Variants in BRSK1 observed in about 807,000 individuals in gnomAD.
BRSK1 encodes serine/threonine-protein kinase BRSK1.
In BRSK1, 17 loss-of-function variants were observed where a neutral mutation model predicts 86.2. That is an observed-to-expected ratio of 0.20 (90% CI 0.14 to 0.30). The LOEUF (loss-of-function observed/expected upper bound fraction) is 0.30. Ranked by LOEUF, BRSK1 falls within the 10% of genes least tolerant of loss-of-function variation. The pLI is 1.00. For missense variants in BRSK1, 719 were observed against 1,071.9 expected (o/e 0.67, Z 4.60); for synonymous variants, 464 against 440.1 (o/e 1.05, Z -0.68).
chr19:55,308,450 C>G (rs1028807921), intron 17 of BRSK1, among the ~76,000 whole-genome samples, 189 bp from the exon 18 acceptor site: 1 of 117,404 alleles, frequency 8.5e-6, no homozygotes, highest in African/African-American at 4.7e-5. Flanking sequence ...TGAGTTTGAC[C>G]GTGATCCTTA....
chr19:55,300,731 C>T (rs1017667464), intron 7 of BRSK1, among the ~76,000 whole-genome samples: 5 of 152,078 alleles, frequency 3.3e-5, no homozygotes, highest in African/African-American at 1.2e-4. Context: ...CCCAGCTACT[C>T]GGGAGGTTGA....
Position 55,306,424 on chromosome 19 carries a change from A to G in BRSK1, c.2063A>G (p.Tyr688Cys). The G allele has an allele frequency of 6.2e-7, 1 of 1,613,126 alleles. No homozygotes were observed. Among genetic ancestry groups the G allele is most frequent in the Non-Finnish European group, 8.5e-7 (1 of 1,179,898 alleles). Reference sequence around the variant, plus strand: ...GACGGCAGCGGAGGTGGTGGCATCTACTCCGTCACCTTCACTCTCATCTCG... The same window carrying G: ...GACGGCAGCGGAGGTGGTGGCATCTGCTCCGTCACCTTCACTCTCATCTCG... ...RRDGSGGGGI[Y>C]SVTFTLISGP... The change falls in exon 17 of 19, where the codon TAC becomes TGC. Residue 688 changes from tyrosine (Y) to cysteine (C), a missense_variant. Physicochemically the swap from Tyr to Cys is radical, Grantham distance 194 (BLOSUM62 -2). Coordinates refer to ENST00000309383, the MANE Select transcript of BRSK1 (RefSeq NM_032430.2). This position sits in a 1 kb window ranked among gnomAD's most constrained non-coding sequence, Gnocchi z 4.7.
Position 55,301,522 on chromosome 19 carries a change from C to T in BRSK1, c.689C>T (p.Pro230Leu). The T allele has an allele frequency of 6.2e-7, 1 of 1,613,740 alleles. No individual in the cohort carries two copies. Among genetic ancestry groups the T allele is most frequent in the Non-Finnish European group, 8.5e-7 (1 of 1,179,910 alleles). Reference protein sequence around the residue: ...ILFALLVGALPFDDDNLRQLL... With the variant: ...ILFALLVGALLFDDDNLRQLL... ...TTATCTCTTGCCCAGGGGGCTCTGC[C>T]CTTTGATGACGACAACCTCCGCCAG... The change falls in exon 8 of 19, where the codon CCC (proline) becomes CTC (leucine). Residue 230 changes from proline (P) to leucine (L), a missense_variant. Transcript: ENST00000309383.
At chr19:55,286,960 G>T (rs377153410) in intron 1 of BRSK1, 47 bp from the exon 2 acceptor site, 64 of 1,591,656 alleles carry the variant, frequency 4.0e-5, no homozygotes, top group Admixed American at 2.5e-4. Flanking sequence ...CGCTGGGGAC[G>T]AAGGGGACCC....
Position 55,302,510 on chromosome 19 carries a change from G to T in BRSK1, c.858-187G>T. 1.3e-6 allele frequency: 1 copy of T among 742,102 alleles called. No homozygotes were observed. The highest frequency in any genetic ancestry group is 2.2e-6 in the Non-Finnish European group (1 of 461,246). 46.0% of individuals were successfully genotyped at this position (742,102 alleles called of 1,614,324 possible). ...TGGACCCCTCGGTCGGAGGGAAAAG[G>T]GGCTGGAGGTCTGGACTCCTGGGTC... On this transcript the variant is annotated intron_variant, in intron 9 of 18. Coordinates refer to ENST00000309383, the MANE Select transcript of BRSK1 (RefSeq NM_032430.2). This position sits in a 1 kb window ranked among gnomAD's most constrained non-coding sequence, Gnocchi z 6.3.
chr19:55,307,191 C>T (rs569956570), intron 17 of BRSK1, among the ~76,000 whole-genome samples: 89 of 152,326 alleles, frequency 5.8e-4, no homozygotes, highest in Non-Finnish European at 1.6e-4. Context: ...GATTTCTAAA[C>T]CAAACGGCTG....
intron 1 of BRSK1, among the ~76,000 whole-genome samples, chr19:55,286,488 G>A (rs1464353604): frequency 6.6e-6 from 1 of 151,676 alleles, no homozygotes; most frequent in Non-Finnish European, 1.5e-5. Context: ...GTGATCTGGG[G>A]AGGGGCAAAT....
Position 55,302,888 on chromosome 19 carries a change from C to T in BRSK1, c.1028+21C>T. The T allele has an allele frequency of 2.5e-6, 4 of 1,601,684 alleles. No individual in the cohort carries two copies. The highest frequency in any genetic ancestry group is 3.4e-6 in the Non-Finnish European group (4 of 1,171,090). On this transcript the variant is annotated intron_variant, in intron 10 of 18. Transcript: ENST00000309383. The surrounding 1 kb of genome is among the most constrained non-coding windows in gnomAD (Gnocchi z 6.3). ...GAGGAGTAAGACCCCAAGACCCCTG[C>T]ACCCGTGTACCCACGTGGGGCGAGC...
At chr19:55,311,599 T>C (rs1288842619) in intron 18 of BRSK1, among the ~76,000 whole-genome samples, 6 of 152,172 alleles carry the variant, frequency 3.9e-5, no homozygotes, top group Admixed American at 6.5e-5. Flanking sequence ...AACAGTATCA[T>C]AACCAGAATC....
Position 55,284,174 on chromosome 19 carries a change from G to C in BRSK1, c.-269G>C. 6.1e-6 allele frequency: 5 copies of C among 821,490 alleles called. No homozygotes were observed. The highest frequency in any genetic ancestry group is 8.1e-6 in the Non-Finnish European group (5 of 620,606). 50.9% of individuals were successfully genotyped at this position (821,490 alleles called of 1,614,324 possible). ...GGGAGGCGCAGGAAGCGGGGGGCCGGCCAGAAACGGGCTGGGGAGGGGGGG... is the reference window on the plus strand; with the variant it reads ...GGGAGGCGCAGGAAGCGGGGGGCCGCCCAGAAACGGGCTGGGGAGGGGGGG... On this transcript the variant is annotated 5_prime_UTR_variant, in exon 1 of 19. Transcript: ENST00000309383.
chr19:55,308,635 C>T lies in BRSK1; in HGVS notation c.2090-4C>T, dbSNP rs2088704897. 1 of 1,609,194 alleles carries T rather than the reference C, an allele frequency of 6.2e-7. No homozygotes were observed. The highest frequency in any genetic ancestry group is 8.5e-7 in the Non-Finnish European group (1 of 1,177,494). On this transcript the variant is annotated splice_polypyrimidine_tract_variant and splice_region_variant and intron_variant, in intron 17 of 18. Coordinates refer to ENST00000309383, the MANE Select transcript of BRSK1 (RefSeq NM_032430.2). ...AGTGTTTTTCTGCCCGCCTGTGCCTCTAGGTCCCAGCCGTCGGTTCAAGCG... is the reference window on the plus strand; with the variant it reads ...AGTGTTTTTCTGCCCGCCTGTGCCTTTAGGTCCCAGCCGTCGGTTCAAGCG...
chr19:55,302,257 C>T lies in BRSK1; in HGVS notation c.857+89C>T. 1 of 1,505,052 alleles carries T rather than the reference C, an allele frequency of 6.6e-7. No individual in the cohort carries two copies. Among genetic ancestry groups the T allele is most frequent in the Non-Finnish European group, 9.2e-7 (1 of 1,081,394 alleles). 93.2% of individuals were successfully genotyped at this position (1,505,052 alleles called of 1,614,324 possible). A position where few individuals can be genotyped will look rare whatever the true frequency, so the allele number is the denominator to read the frequency against. ...GAAGCGGCTGGGAGGGGTGGGATGC[C>T]AGGGTTCCTGAGAGGCAACGGGCTA... On this transcript the variant is annotated intron_variant, in intron 9 of 18. Transcript: ENST00000309383. The surrounding 1 kb of genome is among the most constrained non-coding windows in gnomAD (Gnocchi z 6.3).
rs1434271676 is a variant in BRSK1, at chr19:55,308,669, A to T, written c.2120A>T (p.Glu707Val). Residue 707 changes from glutamate to valine, a missense_variant, in exon 18 of 19, where the codon GAG (glutamate) becomes GTG (valine). Physicochemically the swap from Glu to Val is moderately radical, Grantham distance 121. Coordinates refer to ENST00000309383, the MANE Select transcript of BRSK1 (RefSeq NM_032430.2). ...AGCCGTCGGTTCAAGCGAGTGGTGG[A>T]GACCATCCAGGCACAGCTCCTGAGC... ...GPSRRFKRVV[E>V]TIQAQLLSTH... 1.9e-6 allele frequency: 3 copies of T among 1,605,872 alleles called. No individual in the cohort carries two copies. Among genetic ancestry groups the T allele is most frequent in the Non-Finnish European group, 2.5e-6 (3 of 1,176,598 alleles).
In BRSK1 at chr19:55,284,197, G is replaced by A. The variant is rs2088273330; in HGVS notation, c.-246G>A. ...CGGCCAGAAACGGGCTGGGGAGGGG[G>A]GGCCCCGCAGCCCCCCTGGGCCATG... On this transcript the variant is annotated 5_prime_UTR_variant, in exon 1 of 19. Transcript: ENST00000309383. The A allele has an allele frequency of 3.8e-6, 3 of 793,626 alleles. No individual in the cohort carries two copies. Among genetic ancestry groups the A allele is most frequent in the African/African-American group, 1.8e-5 (1 of 55,740 alleles). The allele number at this position is 793,626 out of a possible 1,614,324, so 49.2% of individuals were successfully genotyped here.
At chr19:55,308,775 C>T (rs181830510) in intron 18 of BRSK1, 47 bp downstream of exon 18, 21 of 44,724 alleles carry the variant, frequency 4.7e-4, no homozygotes, top group Middle Eastern at 8.9e-3. Context: ...TGGCGGGGGC[C>T]GTGGGTGGCG....
intron 17 of BRSK1, 54 bp from the exon 18 acceptor site, chr19:55,308,584 GC>G: frequency 7.2e-7 from 1 of 1,396,676 alleles, no homozygotes; most frequent in African/African-American, 1.4e-5. Context: ...GGCTGGGACG[GC>G]CTTCCCGGTC....
rs756897190 is a variant in BRSK1, at chr19:55,312,373, G to T, written c.*305G>T. On this transcript the variant is annotated 3_prime_UTR_variant, in exon 19 of 19. Coordinates refer to ENST00000309383, the MANE Select transcript of BRSK1 (RefSeq NM_032430.2). ...CTGGTTGGGGTGGCTTAGCAGATCC[G>T]GACAGGGCCCTCTGTCCCTGTGTCG... 1.9e-4 allele frequency: 38 copies of T among 198,064 alleles called. No individual in the cohort carries two copies. Among genetic ancestry groups the T allele is most frequent in the Non-Finnish European group, 3.2e-4 (32 of 99,184 alleles). The allele number at this position is 198,064 out of a possible 1,614,324, so 12.3% of individuals were successfully genotyped here. A position where few individuals can be genotyped will look rare whatever the true frequency, so the allele number is the denominator to read the frequency against.
intron 17 of BRSK1, among the ~76,000 whole-genome samples, chr19:55,307,548 C>CTAA (rs2088672727): frequency 1.2e-5 from 1 of 80,672 alleles, no homozygotes. Context: ...GACTCTGTCT[C>CTAA]AAAAAAAAAA....
chr19:55,295,833 G>A (rs542108906), intron 7 of BRSK1, among the ~76,000 whole-genome samples: 1 of 152,292 alleles, frequency 6.6e-6, no homozygotes, highest in African/African-American at 2.4e-5. Flanking sequence ...GCCGGGCTTG[G>A]TGGCGCATGC....
Sources: allele counts gnomAD v4.1 joint callset (sites outside exome capture counted in the v4.1 genomes callset), GRCh38; gene constraint gnomAD v4.1.1; non-coding constraint Gnocchi (gnomAD v3.1); transcripts MANE v1.5; gene names NCBI Gene and HGNC (gene_info 2026-07-23, HGNC 2026-07-21).